MAP4: variants seen among roughly 807,000 people sequenced by gnomAD.
The protein encoded by MAP4 is microtubule associated protein 4.
A neutral mutation model predicts 170.2 loss-of-function variants in MAP4; 76 were observed. That is an observed-to-expected ratio of 0.45 (90% CI 0.37 to 0.54). MAP4 has a LOEUF of 0.54. Ranked by LOEUF, MAP4 falls within the 20% of genes least tolerant of loss-of-function variation. The pLI is 0.00. For missense variants in MAP4, 2,506 were observed against 2,748.0 expected (o/e 0.91, Z 1.97); for synonymous variants, 909 against 994.5 (o/e 0.91, Z 1.62).
At position 47,855,787 on chromosome 3, in the gene MAP4, C is replaced by T. The variant is rs1576596669; in HGVS notation, c.6584-427G>A. Among the ~76,000 whole-genome samples, 1 of 152,200 alleles carries T rather than the reference C, an allele frequency of 6.6e-6. No individual in the cohort carries two copies. Among genetic ancestry groups the T allele is most frequent in the Non-Finnish European group, 1.5e-5 (1 of 68,032 alleles). On this transcript the variant is annotated intron_variant, in intron 18 of 20. Transcript: ENST00000683076. This position sits in a 1 kb window ranked among gnomAD's most constrained non-coding sequence, Gnocchi z 5.1. Reference sequence around the variant, plus strand: ...CATGAATGCCCTGTCATCACGGCCACGGTCCCTGCTTCCCAGCCGGTAAAA... The same window carrying T: ...CATGAATGCCCTGTCATCACGGCCATGGTCCCTGCTTCCCAGCCGGTAAAA...
intron 1 of MAP4, among the ~76,000 whole-genome samples, chr3:48,076,737 A>C (rs1317917795): frequency 6.6e-6 from 1 of 152,154 alleles, no homozygotes; most frequent in Non-Finnish European, 1.5e-5. Flanking sequence ...CAAACAAAAG[A>C]GAAATCTTTA....
In MAP4 at chr3:47,916,820, A is replaced by G. The variant is rs1198732566; in HGVS notation, c.1007T>C (p.Leu336Pro). Reference sequence around the variant, plus strand: ...TGGGGCTACCTCTGTTTCTGTGGGCAGTACCACATTCTTGGCTGAAGATAC... The same window carrying G: ...TGGGGCTACCTCTGTTTCTGTGGGCGGTACCACATTCTTGGCTGAAGATAC... ...TDVSSAKNVVLPTETEVAPAK... is the reference protein window; with the variant it reads ...TDVSSAKNVVPPTETEVAPAK... The change falls in exon 7 of 21, where the codon CTG becomes CCG. Residue 336 changes from leucine to proline, a missense_variant. Physicochemically the swap from Leu to Pro is moderately conservative, Grantham distance 98. This residue lies in a region of MAP4 where 2,008 missense variants were observed against 2,206.0 expected (regional missense o/e 0.91). Coordinates refer to ENST00000683076, the MANE Select transcript of MAP4 (RefSeq NM_001385682.1). 1 of 1,614,242 alleles carries G rather than the reference A, an allele frequency of 6.2e-7. No homozygotes were observed. The highest frequency in any genetic ancestry group is 2.2e-5 in the East Asian group (1 of 44,886).
In MAP4 at chr3:47,964,844, T is replaced by C. The variant is rs574569281; in HGVS notation, c.292+13021A>G. ...TTTGAAATTTTTTTCCCTTTAAATA[T>C]GAGCTGCATTTGTTTATTTCTACGA... is the stretch of plus-strand genomic sequence containing the variant. On this transcript the variant is annotated intron_variant, in intron 3 of 20. Transcript: ENST00000683076. 2.6e-5 allele frequency among the ~76,000 whole-genome samples: 4 copies of C among 152,342 alleles called. No individual in the cohort carries two copies. The South Asian group carries it at 8.3e-4, about 32-fold the overall frequency.
chr3:47,983,694 A>G (rs2100086821), intron 2 of MAP4, among the ~76,000 whole-genome samples: 1 of 151,496 alleles, frequency 6.6e-6, no homozygotes, highest in African/African-American at 2.4e-5. Flanking sequence ...AGACAATTCT[A>G]TTTGTATAAA....
Position 47,852,770 on chromosome 3 carries a change from C to A in MAP4, c.*164G>T. 6.5e-7 allele frequency: 1 copy of A among 1,545,440 alleles called. No homozygotes were observed. ...GGCGAGCCTAGCGGGCTGCCCAGCA[C>A]GGCGCCCAAGCGCTCACTGGTCTAG... On this transcript the variant is annotated 3_prime_UTR_variant, in exon 21 of 21. Transcript: ENST00000683076.
In MAP4 at chr3:47,911,098, T is replaced by G; in HGVS notation, c.3323A>C (p.Glu1108Ala). ...ACTCTTATCCTGAGTAGTCATTCCTTCAGTTTTAGAGACTGGCTCACTCGG... is the reference window on the plus strand; with the variant it reads ...ACTCTTATCCTGAGTAGTCATTCCTGCAGTTTTAGAGACTGGCTCACTCGG... ...LIPSEPVSKT[E>A]GMTTQDKSEE... Residue 1108 changes from glutamate (E) to alanine (A), a missense_variant, in exon 9 of 21, where the codon GAA becomes GCA. Physicochemically the swap from Glu to Ala is moderately radical, Grantham distance 107. Transcript: ENST00000683076. This position sits in a 1 kb window ranked among gnomAD's most constrained non-coding sequence, Gnocchi z 4.0. The G allele has an allele frequency of 6.5e-7, 1 of 1,536,134 alleles. No individual in the cohort carries two copies. Among genetic ancestry groups the G allele is most frequent in the Non-Finnish European group, 8.7e-7 (1 of 1,146,908 alleles).
At chr3:48,046,331 C>T (rs562678131) in intron 1 of MAP4, among the ~76,000 whole-genome samples, 73 of 152,224 alleles carry the variant, frequency 4.8e-4, no homozygotes, top group Non-Finnish European at 7.5e-4. Context: ...GAGCTGGCAG[C>T]GAATTTTGTA....
At chr3:47,884,227 C>T (rs1264096577) in intron 10 of MAP4, among the ~76,000 whole-genome samples, 1 of 152,170 alleles carries the variant, frequency 6.6e-6, no homozygotes, top group Non-Finnish European at 1.5e-5. Flanking sequence ...ATTGATCTGT[C>T]CTCAACGTCA....
intron 10 of MAP4, among the ~76,000 whole-genome samples, chr3:47,900,798 T>C (rs948276745): frequency 1.5e-4 from 23 of 152,140 alleles, no homozygotes; most frequent in African/African-American, 5.6e-4. Flanking sequence ...CAAGTCTTTG[T>C]TCTTTTAAGT....
chr3:47,880,606 C>T (rs1050967453), intron 10 of MAP4, among the ~76,000 whole-genome samples: 2 of 151,582 alleles, frequency 1.3e-5, no homozygotes, highest in African/African-American at 4.9e-5. Context: ...GCTGGGACTA[C>T]TGGTACGTGC....
At chr3:48,011,621 G>C (rs1186894011) in intron 1 of MAP4, among the ~76,000 whole-genome samples, 1 of 151,896 alleles carries the variant, frequency 6.6e-6, no homozygotes, top group Non-Finnish European at 1.5e-5. Flanking sequence ...AGACGAATGT[G>C]GGTGGGAAGC....
Position 47,855,079 on chromosome 3 carries a change from C to T in MAP4, c.6696+169G>A. ...GGCTGGGGCCTCTTCACTTCTGCCTCAGTCAGGACTGATGATACACGGTGG... is the reference window on the plus strand; with the variant it reads ...GGCTGGGGCCTCTTCACTTCTGCCTTAGTCAGGACTGATGATACACGGTGG... On this transcript the variant is annotated intron_variant, in intron 19 of 20. Transcript: ENST00000683076. The surrounding 1 kb of genome is among the most constrained non-coding windows in gnomAD (Gnocchi z 5.1). 1 of 567,680 alleles carries T rather than the reference C, an allele frequency of 1.8e-6. No individual in the cohort carries two copies. The highest frequency in any genetic ancestry group is 2.3e-5 in the South Asian group (1 of 42,978). 35.2% of individuals were successfully genotyped at this position (567,680 alleles called of 1,614,324 possible). A position where few individuals can be genotyped will look rare whatever the true frequency, so the allele number is the denominator to read the frequency against.
At chr3:48,003,647 C>G (rs4293721) in intron 1 of MAP4, among the ~76,000 whole-genome samples, 1 of 151,652 alleles carries the variant, frequency 6.6e-6, no homozygotes, top group Non-Finnish European at 1.5e-5. Context: ...CCCATCTTAG[C>G]CCACAGCTCA....
At chr3:47,882,791 C>T (rs2096964820) in intron 10 of MAP4, among the ~76,000 whole-genome samples, 1 of 151,854 alleles carries the variant, frequency 6.6e-6, no homozygotes. Flanking sequence ...ATTTAGGATC[C>T]TTTATTTTCT....
At position 47,875,903 on chromosome 3, in the gene MAP4, T is replaced by TTA. The variant is rs776265466; in HGVS notation, c.5542-5_5542-4dup. On this transcript the variant is annotated splice_polypyrimidine_tract_variant and splice_region_variant and intron_variant, in intron 11 of 20. Transcript: ENST00000683076. ...GCAGGTTGAGTGGTGGCCAAAGGCTTTAGGTTGATTGTTGTTTATTTTTTA... is the reference window on the plus strand; with the variant it reads ...GCAGGTTGAGTGGTGGCCAAAGGCTTTATAGGTTGATTGTTGTTTATTTTTTA... 6 of 1,588,302 alleles carry TTA rather than the reference T, an allele frequency of 3.8e-6. No individual in the cohort carries two copies. The East Asian group carries it at 1.3e-4, about 36-fold the overall frequency.
rs148321995 is a variant in MAP4, at chr3:48,068,924, T to C, written c.-20+19849A>G. On this transcript the variant is annotated intron_variant, in intron 1 of 18. Coordinates refer to the MAP4 transcript ENST00000360240. ...CACTTTTAATAATAAAGTCAGTGTT[T>C]TAAAGTCAGTGTGTATTGTTTCTTC... is the stretch of plus-strand genomic sequence containing the variant. Among the ~76,000 whole-genome samples the C allele has an allele frequency of 8.4e-3, 1,281 of 152,318 alleles. 11 individuals are homozygous for C. Among genetic ancestry groups the C allele is most frequent in the Non-Finnish European group, 0.013 (861 of 68,030 alleles).
At chr3:48,068,256 T>A (rs1207322861) in intron 1 of MAP4, among the ~76,000 whole-genome samples, 1 of 123,048 alleles carries the variant, frequency 8.1e-6, no homozygotes, top group African/African-American at 3.4e-5. Context: ...CAGAGCAAGA[T>A]TCTGTCTCAA....
chr3:47,875,735 C>T lies in MAP4; in HGVS notation c.5707G>A (p.Val1903Ile), dbSNP rs544667219. 27 of 1,613,692 alleles carry T rather than the reference C, an allele frequency of 1.7e-5. No individual in the cohort carries two copies. Among genetic ancestry groups the T allele is most frequent in the South Asian group, 9.9e-5 (9 of 91,056 alleles). Reference protein sequence around the residue: ...VPAAPPKRPAVASARPSILPS... With the variant: ...VPAAPPKRPAIASARPSILPS... ...AAGATGGAAGGCCTGGCAGAGGCGACGGCAGGGCGTTTGGGTGGGGCAGCT... is the reference window on the plus strand; with the variant it reads ...AAGATGGAAGGCCTGGCAGAGGCGATGGCAGGGCGTTTGGGTGGGGCAGCT... Residue 1903 changes from valine (V) to isoleucine (I), a missense_variant, in exon 12 of 21, where the codon GTC becomes ATC. Around this residue, in one of 3 missense-constraint regions of MAP4, gnomAD observed 487 missense variants for 511.6 expected, o/e 0.95. Transcript: ENST00000683076.
chr3:48,008,880 G>A (rs1340320265), intron 1 of MAP4, among the ~76,000 whole-genome samples: 1 of 152,178 alleles, frequency 6.6e-6, no homozygotes, highest in African/African-American at 2.4e-5. Context: ...TTTGCCAGCA[G>A]CAGAGACCGA....
Sources: allele counts gnomAD v4.1 joint callset (sites outside exome capture counted in the v4.1 genomes callset), GRCh38; gene constraint gnomAD v4.1.1; regional missense constraint gnomAD v4.1.1; non-coding constraint Gnocchi (gnomAD v3.1); transcripts MANE v1.5; gene names NCBI Gene and HGNC (gene_info 2026-07-23, HGNC 2026-07-21).